NAPSA: variants seen among roughly 807,000 people sequenced by gnomAD.
The protein encoded by NAPSA is napsin A aspartic peptidase.
NAPSA carries 37 observed loss-of-function variants against 36.7 expected under a neutral mutation model. The ratio of observed to expected loss-of-function variants is 1.01; its 90% CI spans 0.78 to 1.33. The LOEUF (loss-of-function observed/expected upper bound fraction) is 1.33. NAPSA is among the 40% of genes most tolerant of loss of function. NAPSA has a pLI of 0.00. For missense variants in NAPSA, 532 were observed against 543.8 expected (o/e 0.98, Z 0.21); for synonymous variants, 222 against 234.5 (o/e 0.95, Z 0.49).
In NAPSA at chr19:50,361,781, C is replaced by T. The variant is rs775766641; in HGVS notation, c.350G>A (p.Trp117Ter). 7 of 1,613,866 alleles carry T rather than the reference C, an allele frequency of 4.3e-6. No individual in the cohort carries two copies. The highest frequency in any genetic ancestry group is 2.2e-5 in the East Asian group (1 of 44,860). ...RRCHFFSVPC[W>*]LHHRFDPKAS... Reference sequence around the variant, plus strand: ...TTTGGGATCAAATCGGTGGTGTAACCCTAGGTTAGAGGTCAGAAAGGTGTC... The same window carrying T: ...TTTGGGATCAAATCGGTGGTGTAACTCTAGGTTAGAGGTCAGAAAGGTGTC... The change falls in exon 4 of 9, where the codon TGG (tryptophan) becomes TAG (stop). Residue 117 changes from tryptophan (W) to a stop codon, truncating the protein, a stop_gained and splice_region_variant. Coordinates refer to ENST00000253719, the MANE Select transcript of NAPSA (RefSeq NM_004851.3). LOFTEE classifies it high-confidence loss of function.
At position 50,359,069 on chromosome 19, in the gene NAPSA, A is replaced by C. The variant is rs750367955; in HGVS notation, c.977T>G (p.Val326Gly). 1 of 1,614,042 alleles carries C rather than the reference A, an allele frequency of 6.2e-7. No homozygotes were observed. The highest frequency in any genetic ancestry group is 1.1e-5 in the South Asian group (1 of 91,074). ...CCAGACCCCCCCAAGAAGGAAGGAG[A>C]CTGCGGGGAGCTTTGGGATTTCCGA... ...LCSEIPKLPA[V>G]SFLLGGVWFN... Residue 326 changes from valine (V) to glycine (G), a missense_variant, in exon 8 of 9, where the codon GTC (valine) becomes GGC (glycine). Around this residue, in one of 3 missense-constraint regions of NAPSA, gnomAD observed 385 missense variants for 371.5 expected, o/e 1.04. Transcript: ENST00000253719.
intron 7 of NAPSA, 79 bp from the exon 8 acceptor site, chr19:50,359,188 G>A: frequency 1.5e-6 from 2 of 1,291,390 alleles, no homozygotes; most frequent in East Asian, 4.6e-5. Context: ...AGTGCCATAG[G>A]GTAATTTCCC....
intron 8 of NAPSA, 39 bp from the exon 9 acceptor site, chr19:50,358,819 C>G (rs1344921616): frequency 6.5e-7 from 1 of 1,548,492 alleles, no homozygotes; most frequent in East Asian, 2.3e-5. Flanking sequence ...GTCGCGGCCA[C>G]AAGGACGGCC....
chr19:50,361,073 G>T lies in NAPSA; in HGVS notation c.536C>A (p.Ala179Asp), dbSNP rs962479382. The change falls in exon 5 of 9, where the codon GCT becomes GAT. Residue 179 changes from alanine (A) to aspartate (D), a missense_variant. Around this residue, in one of 3 missense-constraint regions of NAPSA, gnomAD observed 385 missense variants for 371.5 expected, o/e 1.04. Transcript: ENST00000253719. Reference sequence around the variant, plus strand: ...CAATATCCCATCAAAATGGGCAAAAGCGAAGACCAGGCTGGGCTCCCAGAG... The same window carrying T: ...CAATATCCCATCAAAATGGGCAAAATCGAAGACCAGGCTGGGCTCCCAGAG... The part of the protein sequence containing the change: ...EALWEPSLVF[A>D]FAHFDGILGL... The T allele has an allele frequency of 1.3e-5, 21 of 1,613,996 alleles. No individual in the cohort carries two copies. Among genetic ancestry groups the T allele is most frequent in the Non-Finnish European group, 1.8e-5 (21 of 1,180,018 alleles).
chr19:50,359,739 C>T lies in NAPSA; in HGVS notation c.791+1G>A, dbSNP rs1177231026. ...CAGAGCCAGGAGACCAAGTCCCTCA[C>T]CGCTCCATGTGGATCTGCCAGTAGG... On this transcript the variant is annotated splice_donor_variant, in intron 6 of 8. Coordinates refer to ENST00000253719, the MANE Select transcript of NAPSA (RefSeq NM_004851.3). LOFTEE classifies it high-confidence loss of function. 5 of 1,614,114 alleles carry T rather than the reference C, an allele frequency of 3.1e-6. 1 individual carries two copies. Among genetic ancestry groups the T allele is most frequent in the Non-Finnish European group, 4.2e-6 (5 of 1,180,052 alleles).
At position 50,358,718 on chromosome 19, in the gene NAPSA, AGG is replaced by A; in HGVS notation, c.1096_1097del (p.Pro366CysfsTer9). 6.2e-7 allele frequency: 1 copy of A among 1,613,474 alleles called. No individual in the cohort carries two copies. The highest frequency in any genetic ancestry group is 8.5e-7 in the Non-Finnish European group (1 of 1,179,964). On this transcript the variant is annotated frameshift_variant, in exon 9 of 9. Transcript: ENST00000253719. LOFTEE classifies it low-confidence loss of function (END_TRUNC). Reference protein sequence around the residue: ...SGFQALDVPPPAGPFWILGDV... With the variant: ...SGFQALDVPPXAGPFWILGDV... ...CACCGAGGATCCAGAAGGGCCCTGCAGGCGGAGGGACATCCAGGGCCTGGAAA... is the reference window on the plus strand; with the variant it reads ...CACCGAGGATCCAGAAGGGCCCTGCACGGAGGGACATCCAGGGCCTGGAAA...
At position 50,359,772 on chromosome 19, in the gene NAPSA, C is replaced by T. The variant is rs140131070; in HGVS notation, c.759G>A (p.Thr253=). ...YIPPLTFVPV[T]VPAYWQIHME... ...TGTGGATCTGCCAGTAGGCAGGGAC[C>T]GTGACTGGCACGAAGGTGAGGGGTG... The change falls in exon 6 of 9, where the codon ACG becomes ACA. Residue 253 remains threonine (T), a synonymous_variant. Transcript: ENST00000253719. 8.1e-5 allele frequency: 131 copies of T among 1,614,208 alleles called. No homozygotes were observed. In the African/African-American group the frequency reaches 1.0e-3, roughly 12 times the overall value.
upstream of NAPSA, among the ~76,000 whole-genome samples, chr19:50,368,604 C>G (rs550557738): frequency 9.2e-5 from 14 of 152,318 alleles, no homozygotes; most frequent in South Asian, 2.3e-3. Flanking sequence ...TCACCACCCC[C>G]CTTTGTTTTC....
intron 1 of NAPSA, among the ~76,000 whole-genome samples, chr19:50,364,134 A>G (rs1210521778): frequency 6.6e-6 from 1 of 151,348 alleles, no homozygotes; most frequent in Non-Finnish European, 1.5e-5. Flanking sequence ...CTTGGCCAAC[A>G]TGGTGAAACC....
chr19:50,368,366 C>G (rs2037576053), upstream of NAPSA, among the ~76,000 whole-genome samples: 1 of 151,896 alleles, frequency 6.6e-6, no homozygotes, highest in African/African-American at 2.4e-5. Flanking sequence ...ATGGCACACT[C>G]CTGTAGTCCC....
upstream of NAPSA, among the ~76,000 whole-genome samples, chr19:50,368,133 G>T (rs2037572066): frequency 6.8e-6 from 1 of 146,592 alleles, no homozygotes; most frequent in Non-Finnish European, 1.5e-5. Context: ...ACTCCAGTCT[G>T]GGCGACAGAG....
chr19:50,361,133 C>G lies in NAPSA; in HGVS notation c.476G>C (p.Gly159Ala), dbSNP rs747440218. The part of the protein sequence containing the change: ...ILSEDKLTIG[G>A]IKGASVIFGE... The stretch of plus-strand genomic sequence containing the variant: ...GAAAATCACTGATGCACCCTTGATT[C>G]CACCAATCTAGGGGTAGATTGAGAT... The change falls in exon 5 of 9, where the codon GGA (glycine) becomes GCA (alanine). Residue 159 changes from glycine to alanine, a missense_variant. Transcript: ENST00000253719. 6.2e-7 allele frequency: 1 copy of G among 1,612,914 alleles called. No individual in the cohort carries two copies. The highest frequency in any genetic ancestry group is 8.5e-7 in the Non-Finnish European group (1 of 1,179,292).
rs1263272454 is a variant in NAPSA, at chr19:50,359,852, C to G, written c.679G>C (p.Glu227Gln). 6.2e-7 allele frequency: 1 copy of G among 1,614,096 alleles called. No individual in the cohort carries two copies. The highest frequency in any genetic ancestry group is 1.7e-5 in the Admixed American group (1 of 60,026). ...AGGACCAGCTCTCCTCCATCAGGCT[C>G]TTCAGGGTCCCTGCAGGGGCAGAGT... ...FSFYLNRDPE[E>Q]PDGGELVLGG... The change falls in exon 6 of 9, where the codon GAG becomes CAG. Residue 227 changes from glutamate (E) to glutamine (Q), a missense_variant. By Grantham distance (29) the Glu-to-Gln change is conservative. Around this residue, in one of 3 missense-constraint regions of NAPSA, gnomAD observed 385 missense variants for 371.5 expected, o/e 1.04. Coordinates refer to ENST00000253719, the MANE Select transcript of NAPSA (RefSeq NM_004851.3).
chr19:50,362,267 G>A lies in NAPSA; in HGVS notation c.130C>T (p.Leu44=), dbSNP rs1236800356. The A allele has an allele frequency of 3.7e-6, 6 of 1,613,936 alleles. No homozygotes were observed. The East Asian group carries it at 1.3e-4, about 36-fold the overall frequency. ...VQPGRRILNL[L]RGWREPAELP... is the part of the protein sequence containing the mutation. Reference sequence around the variant, plus strand: ...TCTGCTGGTTCTCTCCATCCCCTCAGTAGGTTCAGGATCCTGCGTCCAGGT... The same window carrying A: ...TCTGCTGGTTCTCTCCATCCCCTCAATAGGTTCAGGATCCTGCGTCCAGGT... The change falls in exon 2 of 9, where the codon CTG becomes TTG. Residue 44 remains leucine (L), a synonymous_variant. Coordinates refer to ENST00000253719, the MANE Select transcript of NAPSA (RefSeq NM_004851.3).
intron 4 of NAPSA, 131 bp downstream of exon 4, chr19:50,361,532 C>A: frequency 1.3e-6 from 1 of 794,632 alleles, no homozygotes; most frequent in Non-Finnish European, 2.1e-6. Context: ...AAAGGCAGGC[C>A]CTCCTCCCCA....
chr19:50,359,074 G>A lies in NAPSA; in HGVS notation c.972C>T (p.Pro324=), dbSNP rs372982608. 2.5e-6 allele frequency: 4 copies of A among 1,613,952 alleles called. No homozygotes were observed. The African/African-American group carries it at 4.0e-5, about 16-fold the overall frequency. The change falls in exon 8 of 9, where the codon CCC becomes CCT. Residue 324 remains proline, a synonymous_variant. Coordinates refer to ENST00000253719, the MANE Select transcript of NAPSA (RefSeq NM_004851.3). ...CCCCCCCAAGAAGGAAGGAGACTGC[G>A]GGGAGCTTTGGGATTTCCGAGCACA... ...IILCSEIPKL[P]AVSFLLGGVW... is the part of the protein sequence containing the mutation.
Position 50,359,870 on chromosome 19 carries a change from G to A in NAPSA, c.669-8C>T, listed in dbSNP as rs1481391629. 2 of 1,613,444 alleles carry A rather than the reference G, an allele frequency of 1.2e-6. No homozygotes were observed. Among genetic ancestry groups the A allele is most frequent in the East Asian group, 2.2e-5 (1 of 44,880 alleles). ...TCAGGCTCTTCAGGGTCCCTGCAGG[G>A]GCAGAGTGTAGAGAGTGTAGATGTC... is the stretch of plus-strand genomic sequence containing the variant. On this transcript the variant is annotated splice_polypyrimidine_tract_variant and splice_region_variant and intron_variant, in intron 5 of 8. Transcript: ENST00000253719.
Position 50,359,268 on chromosome 19 carries a change from C to T in NAPSA, c.937-159G>A. ...CCGCCTAGACTTACGCAGTCCCAAG[C>T]AAACCTGCATGATCGTCTCCCTCCA... On this transcript the variant is annotated intron_variant, in intron 7 of 8. Transcript: ENST00000253719. The T allele has an allele frequency of 6.0e-6, 5 of 837,564 alleles. No individual in the cohort carries two copies. In the East Asian group the frequency reaches 1.3e-4, roughly 22 times the overall value. 51.9% of individuals were successfully genotyped at this position (837,564 alleles called of 1,614,324 possible). A position where few individuals can be genotyped will look rare whatever the true frequency, so the allele number is the denominator to read the frequency against.
chr19:50,360,875 TC>T, intron 5 of NAPSA, 65 bp downstream of exon 5: 1 of 1,470,714 alleles, frequency 6.8e-7, no homozygotes, highest in Non-Finnish European at 9.3e-7. Flanking sequence ...GTCAGTGACT[TC>T]CTGAAGGAAG....
Sources: allele counts gnomAD v4.1 joint callset (sites outside exome capture counted in the v4.1 genomes callset), GRCh38; gene constraint gnomAD v4.1.1; regional missense constraint gnomAD v4.1.1; transcripts MANE v1.5; gene names NCBI Gene and HGNC (gene_info 2026-07-23, HGNC 2026-07-21).